Variants in GTF2H1 observed in about 807,000 individuals in gnomAD.
GTF2H1 encodes BTF2 p62.
Under a neutral mutation model 71.2 loss-of-function variants are expected in GTF2H1, and 16 were observed. The ratio of observed to expected loss-of-function variants is 0.22; its 90% CI spans 0.15 to 0.34. The LOEUF (loss-of-function observed/expected upper bound fraction) is 0.34, where lower values mean the gene tolerates loss of function less well. GTF2H1 is among the 10% of genes least tolerant of loss of function. The pLI is 1.00. For missense variants in GTF2H1, 498 were observed against 648.2 expected (o/e 0.77, Z 2.52); for synonymous variants, 215 against 219.0 (o/e 0.98, Z 0.16).
At chr11:18,336,566 C>G (rs4150583) in intron 3 of GTF2H1, among the ~76,000 whole-genome samples, 2,635 of 152,236 alleles carry the variant, frequency 0.017, 59 homozygotes, top group African/African-American at 0.052. Flanking sequence ...AACCCAGAAG[C>G]TGAATTAACT....
intron 11 of GTF2H1, among the ~76,000 whole-genome samples, chr11:18,357,275 A>G (rs1331074643): frequency 1.3e-5 from 2 of 152,084 alleles, no homozygotes; most frequent in Non-Finnish European, 1.5e-5. Flanking sequence ...AGATAGGTCA[A>G]TTTTTTCCTA....
At chr11:18,342,783 TA>T (rs1865190799) in intron 7 of GTF2H1, among the ~76,000 whole-genome samples, 1 of 152,258 alleles carries the variant, frequency 6.6e-6, no homozygotes, top group African/African-American at 2.4e-5. Flanking sequence ...TGTACATTTG[TA>T]ACTTTATCTT....
At chr11:18,334,486 T>G (rs1864978476) in intron 2 of GTF2H1, among the ~76,000 whole-genome samples, 1 of 152,172 alleles carries the variant, frequency 6.6e-6, no homozygotes, top group African/African-American at 2.4e-5. Flanking sequence ...AGTATTAGCG[T>G]CTCTCTCAAA....
Position 18,341,346 on chromosome 11 carries a change from C to T in GTF2H1, c.693C>T (p.His231=), listed in dbSNP as rs147960954. Residue 231 remains histidine (H), a synonymous_variant, in exon 6 of 15, where the codon CAC becomes CAT. Coordinates refer to ENST00000265963, the MANE Select transcript of GTF2H1 (RefSeq NM_005316.4). ...WTRFFQSHYF[H]RDRLNTGSKD... The stretch of plus-strand genomic sequence containing the variant: ...GTTTTTTCCAGTCCCATTATTTTCA[C>T]AGGGATCGGCTGAATACAGGGTCAA... 4.2e-5 allele frequency: 67 copies of T among 1,613,758 alleles called. No individual in the cohort carries two copies. Among genetic ancestry groups the T allele is most frequent in the African/African-American group, 1.9e-4 (14 of 74,916 alleles).
At chr11:18,349,173 G>A (rs1369282038) in intron 9 of GTF2H1, among the ~76,000 whole-genome samples, 1 of 152,162 alleles carries the variant, frequency 6.6e-6, no homozygotes. Flanking sequence ...GGGGTTACAG[G>A]CATGAGCCAC....
chr11:18,335,658 A>C, intron 2 of GTF2H1, 96 bp from the exon 3 acceptor site: 1 of 865,128 alleles, frequency 1.2e-6, no homozygotes, highest in Non-Finnish European at 1.8e-6. Flanking sequence ...TTAAAGCCCA[A>C]AGGAATCCTG....
At chr11:18,328,980 G>A (rs577751010) in intron 1 of GTF2H1, among the ~76,000 whole-genome samples, 1 of 152,228 alleles carries the variant, frequency 6.6e-6, no homozygotes, top group African/African-American at 2.4e-5. Flanking sequence ...AGGTGGTATC[G>A]TTTATTAAGA....
At position 18,325,481 on chromosome 11, in the gene GTF2H1, T is replaced by C. The variant is rs567176164; in HGVS notation, c.-16+2741T>C. 2.0e-5 allele frequency among the ~76,000 whole-genome samples: 3 copies of C among 152,356 alleles called. No individual in the cohort carries two copies. In the East Asian group the frequency reaches 5.8e-4, roughly 29 times the overall value. ...ATTGATACTTCTTGGACTCTTCTTA[T>C]AGGCCAAACACTATATTACTGGGTG... On this transcript the variant is annotated intron_variant, in intron 1 of 14. Coordinates refer to ENST00000265963, the MANE Select transcript of GTF2H1 (RefSeq NM_005316.4).
In GTF2H1 at chr11:18,335,960, A is replaced by C. The variant is rs563606938; in HGVS notation, c.347+14A>C. ...AGAGAAGAACAGGTGGGAGGAAAAGAATAGCCTTTTGAAAGAGATACTGGG... is the reference window on the plus strand; with the variant it reads ...AGAGAAGAACAGGTGGGAGGAAAAGCATAGCCTTTTGAAAGAGATACTGGG... On this transcript the variant is annotated intron_variant, in intron 3 of 14. Transcript: ENST00000265963. 6.2e-7 allele frequency: 1 copy of C among 1,604,398 alleles called. No homozygotes were observed. Among genetic ancestry groups the C allele is most frequent in the South Asian group, 1.1e-5 (1 of 90,634 alleles).
intron 14 of GTF2H1, among the ~76,000 whole-genome samples, chr11:18,362,668 CTT>C (rs35306497): frequency 0.026 from 2,763 of 107,762 alleles, 74 homozygotes; most frequent in African/African-American, 0.1. Context: ...TTTTCTTTTT[CTT>C]TTTTTTTTTT....
chr11:18,366,684 ATTT>A lies in GTF2H1; in HGVS notation c.*820_*822del, dbSNP rs1322248462. Reference sequence around the variant, plus strand: ...TTGAGTGCAAATGTACATTGCTAAGATTTTTTTAAGATGGCATGTGCTTTGAAA... The same window carrying A: ...TTGAGTGCAAATGTACATTGCTAAGATTTTAAGATGGCATGTGCTTTGAAA... On this transcript the variant is annotated 3_prime_UTR_variant, in exon 15 of 15. Transcript: ENST00000265963. 1.3e-5 allele frequency: 2 copies of A among 152,604 alleles called. No homozygotes were observed. Among genetic ancestry groups the A allele is most frequent in the Admixed American group, 6.6e-5 (1 of 15,266 alleles). The allele number at this position is 152,604 out of a possible 1,614,324, so 9.5% of individuals were successfully genotyped here.
At chr11:18,363,712 A>G (rs1865757290) in intron 14 of GTF2H1, among the ~76,000 whole-genome samples, 2 of 152,198 alleles carry the variant, frequency 1.3e-5, no homozygotes, top group South Asian at 4.1e-4. Context: ...CAGGGCAAGG[A>G]TGGCAGATAG....
intron 9 of GTF2H1, chr11:18,348,673 A>G (rs1865355182): frequency 6.6e-6 from 1 of 152,218 alleles, no homozygotes; most frequent in Non-Finnish European, 1.5e-5. Flanking sequence ...GCAACTGTTC[A>G]TTATTTTGAA....
intron 1 of GTF2H1, 107 bp from the exon 2 acceptor site, chr11:18,332,953 T>G: frequency 1.5e-6 from 1 of 662,146 alleles, no homozygotes; most frequent in Non-Finnish European, 2.4e-6. Context: ...CCCGTTAATT[T>G]CCTACAGTTT....
intron 14 of GTF2H1, among the ~76,000 whole-genome samples, chr11:18,362,912 ACCCACCTCGGC>A (rs1865738113): frequency 6.6e-6 from 1 of 151,548 alleles, no homozygotes; most frequent in Admixed American, 6.6e-5. Flanking sequence ...CTCGTGATCC[ACCCACCTCGGC>A]CTCACAAAGT....
chr11:18,339,027 A>G (rs1865096479), intron 4 of GTF2H1, among the ~76,000 whole-genome samples: 1 of 152,198 alleles, frequency 6.6e-6, no homozygotes, highest in African/African-American at 2.4e-5. Context: ...TTTGTAAACT[A>G]TATTAGAACA....
chr11:18,345,599 A>G (rs1171927364), intron 7 of GTF2H1, among the ~76,000 whole-genome samples: 1 of 151,374 alleles, frequency 6.6e-6, no homozygotes, highest in Non-Finnish European at 1.5e-5. Flanking sequence ...CCCGAGTTCA[A>G]GCACTTCTCC....
intron 1 of GTF2H1, among the ~76,000 whole-genome samples, chr11:18,331,939 C>T (rs1011493004): frequency 2.6e-5 from 4 of 152,024 alleles, no homozygotes; most frequent in East Asian, 1.9e-4. Flanking sequence ...AGCTCACTGC[C>T]GCCTCAAACT....
At chr11:18,330,985 T>G (rs1233029213) in intron 1 of GTF2H1, among the ~76,000 whole-genome samples, 2 of 152,232 alleles carry the variant, frequency 1.3e-5, no homozygotes, top group African/African-American at 2.4e-5. Flanking sequence ...TTTTTCCCTG[T>G]ATTTTTTATT....
Sources: allele counts gnomAD v4.1 joint callset (sites outside exome capture counted in the v4.1 genomes callset), GRCh38; gene constraint gnomAD v4.1.1; transcripts MANE v1.5; gene names NCBI Gene and HGNC (gene_info 2026-07-23, HGNC 2026-07-21).